FRMD8: variants seen among roughly 807,000 people sequenced by gnomAD.
The protein encoded by FRMD8 is FERM domain containing 8.
Under a neutral mutation model 54.2 loss-of-function variants are expected in FRMD8, and 37 were observed. The observed-to-expected ratio is 0.68, with a 90% CI of 0.53 to 0.90. FRMD8 has a LOEUF of 0.90. FRMD8 is among the 40% of genes least tolerant of loss of function. The pLI, the probability that FRMD8 is intolerant of heterozygous loss-of-function variation, is 0.00. For missense variants in FRMD8, 585 were observed against 653.7 expected (o/e 0.89, Z 1.15); for synonymous variants, 246 against 286.9 (o/e 0.86, Z 1.44).
At chr11:65,370,091 A>G in the FRMD8 span, among the ~76,000 whole-genome samples, 1 of 151,502 alleles carries the variant, frequency 6.6e-6, no homozygotes, top group Non-Finnish European at 1.5e-5. Context: ...GCAAGGTGGC[A>G]CACACTTGTA....
the FRMD8 span, among the ~76,000 whole-genome samples, chr11:65,372,576 A>G: frequency 6.6e-6 from 1 of 152,184 alleles, no homozygotes; most frequent in East Asian, 1.9e-4. Flanking sequence ...AGCCAAAAAA[A>G]ATAGATTTTT....
chr11:65,379,835 G>A, the FRMD8 span: 2 of 1,612,956 alleles, frequency 1.2e-6, no homozygotes, highest in Admixed American at 1.7e-5. Context: ...CTCCCCGAAA[G>A]GGGAAGGACC....
chr11:65,369,718 T>G, the FRMD8 span, among the ~76,000 whole-genome samples: 7 of 129,032 alleles, frequency 5.4e-5, no homozygotes, highest in African/African-American at 2.1e-4. Flanking sequence ...CGAGCAAAAC[T>G]CTCAAAAATA....
chr11:65,399,344 G>T (rs908114759), intron 7 of FRMD8, among the ~76,000 whole-genome samples: 2 of 152,060 alleles, frequency 1.3e-5, no homozygotes, highest in Non-Finnish European at 2.9e-5. Context: ...ACCTCCTCGT[G>T]CTTCCCAGCA....
At chr11:65,395,246 TA>T (rs895407697) in intron 6 of FRMD8, among the ~76,000 whole-genome samples, 377 of 138,190 alleles carry the variant, frequency 2.7e-3, no homozygotes, top group Non-Finnish European at 2.9e-3. Flanking sequence ...GACTCTGTCT[TA>T]AAAAAAAAAA....
the FRMD8 span, chr11:65,379,489 C>A: frequency 1.2e-6 from 2 of 1,614,082 alleles, no homozygotes; most frequent in South Asian, 2.2e-5. Flanking sequence ...TTGCTATAGA[C>A]CCCAAACAGG....
At chr11:65,388,955 C>G (rs1261207414) in intron 2 of FRMD8, among the ~76,000 whole-genome samples, 1 of 152,184 alleles carries the variant, frequency 6.6e-6, no homozygotes, top group African/African-American at 2.4e-5. Flanking sequence ...GTTTCAGCCT[C>G]TCTGTGCTGT....
chr11:65,389,388 A>G lies in FRMD8; in HGVS notation c.113A>G (p.Asp38Gly), dbSNP rs1855795497. ...GCTGACGTGCTGGTATACCTAGCGGATGACACGGTGGTGCCCCTGGCTGTG... is the reference window on the plus strand; with the variant it reads ...GCTGACGTGCTGGTATACCTAGCGGGTGACACGGTGGTGCCCCTGGCTGTG... ...RAADVLVYLA[D>G]DTVVPLAVEN... is the part of the protein sequence containing the mutation. Residue 38 changes from aspartate to glycine, a missense_variant, in exon 3 of 11, where the codon GAT becomes GGT. By Grantham distance (94) the Asp-to-Gly change is moderately conservative. Transcript: ENST00000317568. 6.2e-7 allele frequency: 1 copy of G among 1,610,660 alleles called. No individual in the cohort carries two copies. Among genetic ancestry groups the G allele is most frequent in the Admixed American group, 1.7e-5 (1 of 60,008 alleles).
In FRMD8 at chr11:65,389,377, A is replaced by G. The variant is rs773332805; in HGVS notation, c.102A>G (p.Val34=). Residue 34 remains valine (V), a synonymous_variant, in exon 3 of 11, where the codon GTA becomes GTG. Transcript: ENST00000317568. ...CCATCACAGCGGCTGACGTGCTGGT[A>G]TACCTAGCGGATGACACGGTGGTGC... ...SVGARAADVL[V]YLADDTVVPL... 3.7e-6 allele frequency: 6 copies of G among 1,610,652 alleles called. No individual in the cohort carries two copies. Among genetic ancestry groups the G allele is most frequent in the Admixed American group, 1.7e-5 (1 of 60,024 alleles).
At chr11:65,398,326 G>T (rs1856000387) in intron 7 of FRMD8, among the ~76,000 whole-genome samples, 1 of 152,198 alleles carries the variant, frequency 6.6e-6, no homozygotes, top group Admixed American at 6.5e-5. Flanking sequence ...TGTTGATTTT[G>T]AGATACTTGT....
intron 4 of FRMD8, 45 bp from the exon 5 acceptor site, chr11:65,393,996 A>G (rs1232166588): frequency 6.9e-6 from 11 of 1,603,370 alleles, no homozygotes; most frequent in African/African-American, 1.3e-5. Context: ...GGGGAGGGCT[A>G]AGCAGAGTGG....
rs1856029165 is a variant in FRMD8, at chr11:65,399,730, C to T, written c.804-6C>T. ...GGCCGGAGGCTGACCCCAGTCCCCTCCCCAGGTGTGCCTTCTTCCACGGTG... is the reference window on the plus strand; with the variant it reads ...GGCCGGAGGCTGACCCCAGTCCCCTTCCCAGGTGTGCCTTCTTCCACGGTG... On this transcript the variant is annotated splice_polypyrimidine_tract_variant and splice_region_variant and intron_variant, in intron 7 of 10. Transcript: ENST00000317568. The T allele has an allele frequency of 6.2e-7, 1 of 1,613,854 alleles. No individual in the cohort carries two copies. The highest frequency in any genetic ancestry group is 8.5e-7 in the Non-Finnish European group (1 of 1,179,850).
the FRMD8 span, chr11:65,375,188 G>A: frequency 6.6e-6 from 1 of 152,246 alleles, no homozygotes; most frequent in Non-Finnish European, 1.5e-5. Context: ...CAGGAGTGCA[G>A]TCGCATCATT....
chr11:65,376,405 G>C, the FRMD8 span: 1 of 1,612,518 alleles, frequency 6.2e-7, no homozygotes, highest in Non-Finnish European at 8.5e-7. Context: ...TTGCCGCAGG[G>C]CTCATCCCCA....
At position 65,412,673 on chromosome 11, in the gene FRMD8, C is replaced by G. The variant is rs772644894; in HGVS notation, c.*1313C>G. 6.6e-6 allele frequency: 1 copy of G among 152,284 alleles called. No homozygotes were observed. Among genetic ancestry groups the G allele is most frequent in the Non-Finnish European group, 1.5e-5 (1 of 68,076 alleles). 9.4% of individuals were successfully genotyped at this position (152,284 alleles called of 1,614,324 possible). ...TTTGTCTTCGTTCCCGGTGGAAAACCGTGGGAGAGGAAGCTTGGGCCTCTA... is the reference window on the plus strand; with the variant it reads ...TTTGTCTTCGTTCCCGGTGGAAAACGGTGGGAGAGGAAGCTTGGGCCTCTA... On this transcript the variant is annotated 3_prime_UTR_variant, in exon 11 of 11. Coordinates refer to ENST00000317568, the MANE Select transcript of FRMD8 (RefSeq NM_031904.5).
At chr11:65,410,368 A>C (rs1221388373) in intron 10 of FRMD8, among the ~76,000 whole-genome samples, 2 of 151,276 alleles carry the variant, frequency 1.3e-5, no homozygotes, top group Non-Finnish European at 2.9e-5. Flanking sequence ...GGTGGCGCAC[A>C]CCTGTAGTCC....
chr11:65,400,917 C>T lies in FRMD8; in HGVS notation c.1071+50C>T. The T allele has an allele frequency of 6.5e-7, 1 of 1,539,368 alleles. No individual in the cohort carries two copies. The highest frequency in any genetic ancestry group is 8.8e-7 in the Non-Finnish European group (1 of 1,142,560). On this transcript the variant is annotated intron_variant, in intron 9 of 10. Transcript: ENST00000317568. This position sits in a 1 kb window ranked among gnomAD's most constrained non-coding sequence, Gnocchi z 4.3. ...GGGTGGGGAGGCTGGGCCCAGGTGC[C>T]CTGGGTCCCAGACAATTAGAGGCAC... is the stretch of plus-strand genomic sequence containing the variant.
At chr11:65,398,994 GTTTTT>G (rs33928334) in intron 7 of FRMD8, among the ~76,000 whole-genome samples, 9 of 99,880 alleles carry the variant, frequency 9.0e-5, no homozygotes, top group Non-Finnish European at 1.0e-4. Context: ...TCTTCTCAAT[GTTTTT>G]TTTTTTTTTT....
Position 65,394,086 on chromosome 11 carries a change from G to A in FRMD8, c.401G>A (p.Arg134Gln), listed in dbSNP as rs760568242. Residue 134 changes from arginine (R) to glutamine (Q), a missense_variant, in exon 5 of 11, where the codon CGG becomes CAG. Transcript: ENST00000317568. ...QFRRNVFFPK[R>Q]RELQIHDEEV... ...CGAAGGAACGTGTTCTTCCCAAAGC[G>A]GCGGGAGCTCCAGGTGAGGCAGGAG... The A allele has an allele frequency of 1.2e-6, 2 of 1,614,050 alleles. No individual in the cohort carries two copies. Among genetic ancestry groups the A allele is most frequent in the South Asian group, 1.1e-5 (1 of 91,086 alleles).
Sources: gnomAD v4.1 joint callset for allele counts (sites outside exome capture counted in the v4.1 genomes callset) on GRCh38, gnomAD v4.1.1 for gene constraint, Gnocchi (gnomAD v3.1) non-coding constraint, MANE v1.5 for transcripts, NCBI Gene and HGNC (gene_info 2026-07-23, HGNC 2026-07-21) for gene names.